PRRC1: variants seen among roughly 807,000 people sequenced by gnomAD.
PRRC1 encodes protein PRRC1.
Under a neutral mutation model 40.7 loss-of-function variants are expected in PRRC1, and 39 were observed. The observed-to-expected ratio is 0.96, with a 90% confidence interval of 0.74 to 1.25. The LOEUF (loss-of-function observed/expected upper bound fraction) is 1.25, where lower values mean the gene tolerates loss of function less well. PRRC1 is among the 50% of genes most tolerant of loss of function. The pLI is 0.00. For missense variants in PRRC1, 573 were observed against 548.3 expected, an observed-to-expected ratio of 1.05 and a Z score of -0.45; for synonymous variants, 175 against 193.3, an observed-to-expected ratio of 0.91 and a Z score of 0.79.
chr5:127,523,643 T>C, intron 2 of PRRC1, 61 bp downstream of exon 2: 1 of 1,002,324 alleles, frequency 1.0e-6, no homozygotes, highest in Non-Finnish European at 1.5e-6. Flanking sequence ...TATCATCTTT[T>C]CTCAGAGTCA....
chr5:127,536,025 A>G (rs575858910), intron 6 of PRRC1, among the ~76,000 whole-genome samples: 21 of 152,256 alleles, frequency 1.4e-4, no homozygotes, highest in African/African-American at 5.1e-4. Context: ...CAGTAGTTAT[A>G]CCCTATCTAA....
chr5:127,532,567 C>T (rs1377542392), intron 5 of PRRC1, among the ~76,000 whole-genome samples: 2 of 151,748 alleles, frequency 1.3e-5, no homozygotes, highest in African/African-American at 2.4e-5. Context: ...TAGCTAAGGT[C>T]GAGAGATGTG....
In PRRC1 at chr5:127,521,102, T is replaced by A. The variant is rs981238039; in HGVS notation, c.-20-2358T>A. 3.3e-5 allele frequency among the ~76,000 whole-genome samples: 5 copies of A among 152,196 alleles called. 1 individual carries two copies. The highest frequency in any genetic ancestry group is 3.3e-4 in the Admixed American group (5 of 15,290). On this transcript the variant is annotated intron_variant, in intron 1 of 8. Transcript: ENST00000296666. ...TTGTTAAGTACAATGAGTTCTGAGA[T>A]CCTCTCCAAAGAACCAGTGTATCAG...
chr5:127,542,642 C>T (rs558102597), intron 7 of PRRC1, among the ~76,000 whole-genome samples: 1,764 of 151,566 alleles, frequency 0.012, 34 homozygotes, highest in African/African-American at 0.041. Flanking sequence ...CCTTCTTTGT[C>T]TCTTCTGATC....
rs959677850 is a variant in PRRC1 at position 127,552,758 on chromosome 5, C to G, written c.*842C>G. The G allele has an allele frequency of 1.9e-5, 19 of 984,444 alleles. No homozygotes were observed. The highest frequency in any genetic ancestry group is 2.2e-5 in the Non-Finnish European group (18 of 828,764). 61.0% of individuals were successfully genotyped at this position (984,444 alleles called of 1,614,324 possible). A position where few individuals can be genotyped will look rare whatever the true frequency, so the allele number is the denominator to read the frequency against. ...TTGTTTCTGCTTCCACTCATATTCTCTACACATTTTAATACAGAAATTTTT... is the reference window on the plus strand; with the variant it reads ...TTGTTTCTGCTTCCACTCATATTCTGTACACATTTTAATACAGAAATTTTT... On this transcript the variant is annotated 3_prime_UTR_variant, in exon 9 of 9. Transcript: ENST00000296666.
At chr5:127,529,904 C>T (rs536003033) in intron 4 of PRRC1, among the ~76,000 whole-genome samples, 67 of 152,102 alleles carry the variant, frequency 4.4e-4, no homozygotes, top group Non-Finnish European at 7.4e-4. Context: ...TATGGACTTA[C>T]GTAGACACCT....
Position 127,553,091 on chromosome 5 carries a change from T to G in PRRC1, c.*1175T>G. ...GTATATACAAGTTCAAATAACTTTT[T>G]CGAAGATAGTTTCTTATATAAATGT... On this transcript the variant is annotated 3_prime_UTR_variant, in exon 9 of 9. Coordinates refer to ENST00000296666, the MANE Select transcript of PRRC1 (RefSeq NM_130809.5). 1.2e-6 allele frequency: 1 copy of G among 864,950 alleles called. No individual in the cohort carries two copies. The highest frequency in any genetic ancestry group is 1.4e-6 in the Non-Finnish European group (1 of 720,908). 53.6% of individuals were successfully genotyped at this position (864,950 alleles called of 1,614,324 possible).
chr5:127,551,975 G>A lies in PRRC1; in HGVS notation c.*59G>A. ...CCACTTTTAGCTTGATGTTAAAGAA[G>A]TGGTTGTACCTTCCTAAATCGAATA... On this transcript the variant is annotated 3_prime_UTR_variant, in exon 9 of 9. Transcript: ENST00000296666. 3 of 1,606,908 alleles carry A rather than the reference G, an allele frequency of 1.9e-6. No homozygotes were observed. Among genetic ancestry groups the A allele is most frequent in the Non-Finnish European group, 2.6e-6 (3 of 1,176,114 alleles).
Position 127,539,160 on chromosome 5 carries a change from T to A in PRRC1, c.1025+17T>A. ...GCCTGACAAGTAAGTGTATTATGTTTCTCTTGGAAGCAAAATATAATTGGG... is the reference window on the plus strand; with the variant it reads ...GCCTGACAAGTAAGTGTATTATGTTACTCTTGGAAGCAAAATATAATTGGG... On this transcript the variant is annotated intron_variant, in intron 7 of 8. Transcript: ENST00000296666. 6.3e-7 allele frequency: 1 copy of A among 1,596,994 alleles called. No individual in the cohort carries two copies. Among genetic ancestry groups the A allele is most frequent in the Non-Finnish European group, 8.6e-7 (1 of 1,165,078 alleles).
In PRRC1 at chr5:127,552,489, A is replaced by T. The variant is rs887054927; in HGVS notation, c.*573A>T. ...ATGGGCCAAAATAATGGAATTGATT[A>T]TTTTCCTTTTTGGCCATCACGTACA... On this transcript the variant is annotated 3_prime_UTR_variant, in exon 9 of 9. Coordinates refer to ENST00000296666, the MANE Select transcript of PRRC1 (RefSeq NM_130809.5). 4.1e-6 allele frequency: 4 copies of T among 986,592 alleles called. No homozygotes were observed. Among genetic ancestry groups the T allele is most frequent in the Non-Finnish European group, 4.8e-6 (4 of 830,528 alleles). The allele number at this position is 986,592 out of a possible 1,614,324, so 61.1% of individuals were successfully genotyped here. A position where few individuals can be genotyped will look rare whatever the true frequency, so the allele number is the denominator to read the frequency against.
Position 127,552,267 on chromosome 5 carries a change from C to T in PRRC1, c.*351C>T, listed in dbSNP as rs10695. On this transcript the variant is annotated 3_prime_UTR_variant, in exon 9 of 9. Coordinates refer to ENST00000296666, the MANE Select transcript of PRRC1 (RefSeq NM_130809.5). The stretch of plus-strand genomic sequence containing the variant: ...TGATTATTTTGTTCTTTAAAGAAGA[C>T]ATTATTAAAGAACATGTTGGTTGAA... 10 of 1,050,458 alleles carry T rather than the reference C, an allele frequency of 9.5e-6. No homozygotes were observed. The highest frequency in any genetic ancestry group is 1.0e-5 in the Non-Finnish European group (9 of 869,108). The allele number at this position is 1,050,458 out of a possible 1,614,324, so 65.1% of individuals were successfully genotyped here. A position where few individuals can be genotyped will look rare whatever the true frequency, so the allele number is the denominator to read the frequency against.
chr5:127,543,966 C>T (rs1469243508), intron 7 of PRRC1, among the ~76,000 whole-genome samples: 1 of 141,164 alleles, frequency 7.1e-6, no homozygotes, highest in Non-Finnish European at 1.6e-5. Context: ...TTAGAGTTTC[C>T]AGTTTTTCTG....
chr5:127,541,483 G>A (rs1156528440), intron 7 of PRRC1, among the ~76,000 whole-genome samples: 2 of 151,742 alleles, frequency 1.3e-5, no homozygotes, highest in African/African-American at 2.4e-5. Context: ...GGTAGAATTC[G>A]GCTGTGAATC....
rs180905548 is a variant in PRRC1 at position 127,527,472 on chromosome 5, G to T, written c.654+694G>T. ...ATCAATAAATCATCATCATGATTAG[G>T]TCTGGCATGGTGCCTCATGCCTGTA... On this transcript the variant is annotated intron_variant, in intron 4 of 8. Coordinates refer to ENST00000296666, the MANE Select transcript of PRRC1 (RefSeq NM_130809.5). Among the ~76,000 whole-genome samples the T allele has an allele frequency of 1.2e-4, 19 of 152,156 alleles. No individual in the cohort carries two copies. The East Asian group carries it at 3.3e-3, about 26-fold the overall frequency.
rs1768432497 is a variant in PRRC1 at position 127,552,997 on chromosome 5, T to C, written c.*1081T>C. Reference sequence around the variant, plus strand: ...GGAAGCCTTTTCCCCTCAAATAATATATTATATCATTTTTGGACTTATATA... The same window carrying C: ...GGAAGCCTTTTCCCCTCAAATAATACATTATATCATTTTTGGACTTATATA... On this transcript the variant is annotated 3_prime_UTR_variant, in exon 9 of 9. Coordinates refer to ENST00000296666, the MANE Select transcript of PRRC1 (RefSeq NM_130809.5). The C allele has an allele frequency of 7.7e-6, 6 of 774,646 alleles. No homozygotes were observed. The highest frequency in any genetic ancestry group is 6.9e-4 in the Middle Eastern group (1 of 1,456). 48.0% of individuals were successfully genotyped at this position (774,646 alleles called of 1,614,324 possible).
rs1768442220 is a variant in PRRC1 at position 127,553,406 on chromosome 5, G to A, written c.*1490G>A. 9.7e-7 allele frequency: 1 copy of A among 1,032,800 alleles called. No individual in the cohort carries two copies. The highest frequency in any genetic ancestry group is 1.0e-4 in the East Asian group (1 of 9,678). 64.0% of individuals were successfully genotyped at this position (1,032,800 alleles called of 1,614,324 possible). ...ATATCAGACTTCCGTGTCATTAAAA[G>A]TCATGAGAGACAGCACAGAGAGGTT... is the stretch of plus-strand genomic sequence containing the variant. On this transcript the variant is annotated 3_prime_UTR_variant, in exon 9 of 9. Coordinates refer to ENST00000296666, the MANE Select transcript of PRRC1 (RefSeq NM_130809.5).
intron 1 of PRRC1, among the ~76,000 whole-genome samples, chr5:127,522,775 TTTTA>T (rs1403093507): frequency 3.3e-5 from 5 of 151,746 alleles, no homozygotes; most frequent in Non-Finnish European, 7.4e-5. Context: ...ACATTAAATA[TTTTA>T]TTTATTTATT....
chr5:127,520,124 A>G (rs963614173), intron 1 of PRRC1, among the ~76,000 whole-genome samples: 1 of 152,238 alleles, frequency 6.6e-6, no homozygotes, highest in Admixed American at 6.5e-5. Flanking sequence ...TCTTGTGTGT[A>G]GGCTGTGCAT....
intron 6 of PRRC1, 43 bp downstream of exon 6, chr5:127,533,829 T>G (rs1417266620): frequency 1.3e-6 from 2 of 1,599,790 alleles, no homozygotes; most frequent in African/African-American, 2.7e-5. Flanking sequence ...AAACTGGCAT[T>G]TAATTTTTTC....
Sources: allele counts gnomAD v4.1 joint callset (sites outside exome capture counted in the v4.1 genomes callset), GRCh38; gene constraint gnomAD v4.1.1; transcripts MANE v1.5; gene names NCBI Gene and HGNC (gene_info 2026-07-23, HGNC 2026-07-21).